ERC1: variants seen among roughly 807,000 people sequenced by gnomAD.
The protein encoded by ERC1 is ELKS/RAB6-interacting/CAST family member 1.
A neutral mutation model predicts 132.0 loss-of-function variants in ERC1; 56 were observed. The ratio of observed to expected loss-of-function variants is 0.42; its 90% confidence interval spans 0.34 to 0.53. ERC1 has a LOEUF of 0.53. Among genes scored for constraint, ERC1 ranks in the 20% least tolerant of loss-of-function variants. The pLI is 0.03. For missense variants in ERC1, 1,202 were observed against 1,349.9 expected (o/e 0.89, Z 1.72); for synonymous variants, 478 against 476.1 (o/e 1.00, Z -0.05).
intron 2 of ERC1, among the ~76,000 whole-genome samples, chr12:1,047,247 A>G (rs1302064192): frequency 1.3e-5 from 2 of 152,174 alleles, no homozygotes; most frequent in Non-Finnish European, 2.9e-5. Flanking sequence ...ATAAATATTT[A>G]TCGTGTTGTT....
chr12:1,319,675 T>C (rs2081986737), intron 15 of ERC1, among the ~76,000 whole-genome samples: 1 of 152,194 alleles, frequency 6.6e-6, no homozygotes. Context: ...TGTCTTTCCA[T>C]TTAGGCTCAT....
chr12:1,181,993 T>C lies in ERC1; in HGVS notation c.1944T>C (p.Asp648=). 1 of 1,614,086 alleles carries C rather than the reference T, an allele frequency of 6.2e-7. No homozygotes were observed. The highest frequency in any genetic ancestry group is 1.6e-4 in the Middle Eastern group (1 of 6,062). ...RDEREKQEEI[D]NYKKDLKDLK... ...AGCGAGAGAAGCAAGAGGAAATTGA[T>C]AACTACAAAAAAGATCTTAAAGACT... The change falls in exon 10 of 19, where the codon GAT becomes GAC. Residue 648 remains aspartate, a synonymous_variant. Transcript: ENST00000360905.
chr12:1,408,223 A>G lies in ERC1; in HGVS notation c.3000A>G (p.Thr1000=). The part of the protein sequence containing the change: ...DHFKSSHSNQ[T]NHKPSPDQII... ...TCAAATCCTCCCATTCCAATCAAACAAATCACAAGCCCTCCCCAGACCAGG... is the reference window on the plus strand; with the variant it reads ...TCAAATCCTCCCATTCCAATCAAACGAATCACAAGCCCTCCCCAGACCAGG... Residue 1000 remains threonine, a synonymous_variant, in exon 17 of 19, where the codon ACA becomes ACG. Coordinates refer to ENST00000360905, the MANE Select transcript of ERC1 (RefSeq NM_178040.4). 6.2e-7 allele frequency: 1 copy of G among 1,613,900 alleles called. No individual in the cohort carries two copies. Among genetic ancestry groups the G allele is most frequent in the Non-Finnish European group, 8.5e-7 (1 of 1,179,870 alleles).
At chr12:1,142,594 C>T (rs1437138342) in intron 8 of ERC1, among the ~76,000 whole-genome samples, 1 of 152,166 alleles carries the variant, frequency 6.6e-6, no homozygotes, top group Non-Finnish European at 1.5e-5. Context: ...TTCATTTCTA[C>T]TATCCGTGAT....
intron 15 of ERC1, among the ~76,000 whole-genome samples, chr12:1,365,327 G>GA (rs77071351): frequency 0.07 from 10,246 of 146,570 alleles, 402 homozygotes; most frequent in East Asian, 0.16. Context: ...TACTGGCCTG[G>GA]AAAAAAAAAA....
chr12:1,290,905 T>C (rs1207894716), intron 15 of ERC1, among the ~76,000 whole-genome samples: 2 of 152,216 alleles, frequency 1.3e-5, no homozygotes, highest in African/African-American at 4.8e-5. Flanking sequence ...TCAGCAGCCT[T>C]TCACTGTCAG....
chr12:1,459,986 A>G (rs1392605881), intron 18 of ERC1, among the ~76,000 whole-genome samples: 1 of 152,258 alleles, frequency 6.6e-6, no homozygotes, highest in Admixed American at 6.5e-5. Flanking sequence ...ATTTATCAAG[A>G]TAGAGAATTA....
At chr12:1,418,403 T>C (rs1324214028) in intron 17 of ERC1, among the ~76,000 whole-genome samples, 7 of 152,124 alleles carry the variant, frequency 4.6e-5, no homozygotes, top group Non-Finnish European at 1.0e-4. Context: ...GAAAAGAATG[T>C]CCTTATCTCT....
At chr12:1,098,093 C>T (rs1944267778) in intron 3 of ERC1, among the ~76,000 whole-genome samples, 1 of 152,194 alleles carries the variant, frequency 6.6e-6, no homozygotes, top group Non-Finnish European at 1.5e-5. Flanking sequence ...CTTTGCAAGA[C>T]TGCTGTTCTT....
chr12:1,239,848 A>G (rs761439037), intron 13 of ERC1, among the ~76,000 whole-genome samples: 7 of 152,208 alleles, frequency 4.6e-5, no homozygotes, highest in African/African-American at 1.2e-4. Context: ...TTGGAGTTAC[A>G]TGGAGGGCTA....
chr12:1,005,402 G>A (rs1963389212), intron 1 of ERC1, among the ~76,000 whole-genome samples: 1 of 152,074 alleles, frequency 6.6e-6, no homozygotes, highest in Non-Finnish European at 1.5e-5. Context: ...CTTGGCCTCC[G>A]AGTGTTGGGA....
At chr12:1,184,166 A>G (rs1954811005) in intron 11 of ERC1, among the ~76,000 whole-genome samples, 3 of 151,748 alleles carry the variant, frequency 2.0e-5, no homozygotes, top group South Asian at 2.1e-4. Context: ...AAAAAAAAGA[A>G]TAAGTGGGAG....
At chr12:1,256,574 A>T (rs1696273226) in intron 13 of ERC1, among the ~76,000 whole-genome samples, 2 of 150,850 alleles carry the variant, frequency 1.3e-5, no homozygotes, top group African/African-American at 4.9e-5. Flanking sequence ...CCTATCACTG[A>T]GTATTCTTGG....
chr12:1,144,246 CT>C (rs902054229), intron 8 of ERC1, among the ~76,000 whole-genome samples: 2 of 151,984 alleles, frequency 1.3e-5, no homozygotes, highest in East Asian at 1.9e-4. Context: ...AAAACTTAAA[CT>C]TTTTTTTATT....
chr12:1,366,363 C>T (rs142444533), intron 15 of ERC1, among the ~76,000 whole-genome samples: 1 of 152,274 alleles, frequency 6.6e-6, no homozygotes, highest in East Asian at 1.9e-4. Context: ...AAAACATTTA[C>T]AGAGCAAATG....
intron 15 of ERC1, among the ~76,000 whole-genome samples, chr12:1,313,581 A>ATGT (rs145341839): frequency 0.035 from 5,254 of 152,268 alleles, 96 homozygotes; most frequent in Middle Eastern, 0.075. Context: ...CACCTCCCAT[A>ATGT]TGTAAATCAA....
chr12:1,125,366 G>GA (rs1311583494), intron 7 of ERC1, among the ~76,000 whole-genome samples: 4 of 151,290 alleles, frequency 2.6e-5, no homozygotes, highest in African/African-American at 4.9e-5. Context: ...CACTCCCCAA[G>GA]AAAAAACAAG....
intron 13 of ERC1, among the ~76,000 whole-genome samples, chr12:1,237,541 A>G (rs1277647501): frequency 1.3e-5 from 2 of 152,224 alleles, no homozygotes; most frequent in Non-Finnish European, 2.9e-5. Context: ...ATTTGAAACT[A>G]GGCTCTGGTC....
intron 2 of ERC1, among the ~76,000 whole-genome samples, chr12:1,073,245 G>A (rs74618947): frequency 6.6e-6 from 1 of 151,938 alleles, no homozygotes; most frequent in East Asian, 1.9e-4. Context: ...AGGTTGCAGT[G>A]AGCTGAGATC....
Sources: allele counts gnomAD v4.1 joint callset (sites outside exome capture counted in the v4.1 genomes callset), GRCh38; gene constraint gnomAD v4.1.1; transcripts MANE v1.5; gene names NCBI Gene and HGNC (gene_info 2026-07-23, HGNC 2026-07-21).